Variants in SLC22A24 observed in about 807,000 individuals in gnomAD.
SLC22A24 encodes the protein steroid transmembrane transporter SLC22A24.
In SLC22A24, 53 loss-of-function variants were observed where a neutral mutation model predicts 49.8. That is an observed-to-expected ratio of 1.06 (90% CI 0.85 to 1.34). The LOEUF (loss-of-function observed/expected upper bound fraction) is 1.34. Ranked by LOEUF, SLC22A24 falls within the 40% of genes most tolerant of loss-of-function variation. SLC22A24 has a pLI of 0.00. For missense variants in SLC22A24, 786 were observed against 675.9 expected, an observed-to-expected ratio of 1.16 and a Z score of -1.81; for synonymous variants, 302 against 256.4, an observed-to-expected ratio of 1.18 and a Z score of -1.70.
At chr11:63,094,674 T>C (rs1237642008) in intron 6 of SLC22A24, among the ~76,000 whole-genome samples, 2 of 152,218 alleles carry the variant, frequency 1.3e-5, no homozygotes, top group Admixed American at 6.5e-5. Context: ...ATCGCCATTC[T>C]AACTGGTGTG....
chr11:63,104,493 AG>A (rs2087108880), intron 4 of SLC22A24, among the ~76,000 whole-genome samples, 195 bp from the exon 5 acceptor site: 2 of 152,126 alleles, frequency 1.3e-5, no homozygotes, highest in African/African-American at 4.8e-5. Context: ...TGTTTGTTAA[AG>A]TGATTATACA....
chr11:63,128,715 TCCAGTGGACACATGA>T (rs2087311789), intron 2 of SLC22A24, among the ~76,000 whole-genome samples: 1 of 152,134 alleles, frequency 6.6e-6, no homozygotes, highest in Admixed American at 6.5e-5. Context: ...AGGGCCCCCG[TCCAGTGGACACATGA>T]CCCATGTGAC....
intron 5 of SLC22A24, among the ~76,000 whole-genome samples, chr11:63,101,718 GA>G (rs1385875955): frequency 6.6e-6 from 1 of 151,982 alleles, no homozygotes; most frequent in Admixed American, 6.6e-5. Flanking sequence ...AATTGATAAA[GA>G]AAAGTTGATA....
intron 4 of SLC22A24, among the ~76,000 whole-genome samples, chr11:63,114,092 G>A (rs2087195451): frequency 6.6e-6 from 1 of 152,104 alleles, no homozygotes; most frequent in South Asian, 2.1e-4. Flanking sequence ...TGTATTTCCT[G>A]AATTTGAATG....
intron 8 of SLC22A24, among the ~76,000 whole-genome samples, 193 bp from the exon 9 acceptor site, chr11:63,081,316 C>G (rs76439288): frequency 0.029 from 4,339 of 152,222 alleles, 182 homozygotes; most frequent in African/African-American, 0.097. Context: ...GGTAACTGCT[C>G]TTAACCTTAG....
chr11:63,143,525 T>G lies in SLC22A24; in HGVS notation c.255A>C (p.Pro85=). ...GATGGATAAAGCGCTGACACTTCTG[T>G]GGCCTCAGGTTTGAGTCCAGTGGGA... The part of the protein sequence containing the change: ...ISIPLDSNLR[P]QKCQRFIHPQ... Residue 85 remains proline, a synonymous_variant, in exon 1 of 10, where the codon CCA becomes CCC. Coordinates refer to ENST00000612278, the MANE Select transcript of SLC22A24 (RefSeq NM_001136506.2). 1 of 1,596,816 alleles carries G rather than the reference T, an allele frequency of 6.3e-7. No homozygotes were observed. The highest frequency in any genetic ancestry group is 1.1e-5 in the South Asian group (1 of 88,042).
chr11:63,090,934 A>G (rs12275473), intron 6 of SLC22A24, among the ~76,000 whole-genome samples: 75,905 of 151,844 alleles, frequency 0.5, 19,128 homozygotes, highest in East Asian at 0.54. Flanking sequence ...AAATAAGATC[A>G]TAGTAGAGTT....
rs1238374571 is a variant in SLC22A24 at position 63,119,084 on chromosome 11, G to T, written c.662-4C>A. The T allele has an allele frequency of 6.5e-7, 1 of 1,544,630 alleles. No homozygotes were observed. ...CGGGGCAATGTCCACTCTAAGCCTGGAAGAAAACATATACATAGTAATAAT... is the reference window on the plus strand; with the variant it reads ...CGGGGCAATGTCCACTCTAAGCCTGTAAGAAAACATATACATAGTAATAAT... On this transcript the variant is annotated splice_polypyrimidine_tract_variant and splice_region_variant and intron_variant, in intron 3 of 9. Transcript: ENST00000612278.
chr11:63,113,151 T>C lies in SLC22A24; in HGVS notation c.830+5761A>G, dbSNP rs183733145. ...ACATATATATATACACATATATATA[T>C]ACATATATATATACACATATATATA... On this transcript the variant is annotated intron_variant, in intron 4 of 9. Coordinates refer to ENST00000612278, the MANE Select transcript of SLC22A24 (RefSeq NM_001136506.2). Among the ~76,000 whole-genome samples the C allele has an allele frequency of 2.2e-3, 16 of 7,230 alleles. 2 individuals are homozygous for C. Among genetic ancestry groups the C allele is most frequent in the African/African-American group, 2.5e-3 (14 of 5,598 alleles). 4.7% of individuals were successfully genotyped at this position (7,230 alleles called of 152,430 possible). A position where few individuals can be genotyped will look rare whatever the true frequency, so the allele number is the denominator to read the frequency against.
intron 6 of SLC22A24, among the ~76,000 whole-genome samples, chr11:63,090,567 A>G (rs2087013971): frequency 6.6e-6 from 1 of 152,076 alleles, no homozygotes; most frequent in Admixed American, 6.5e-5. Flanking sequence ...AAACCACACA[A>G]CTACGTGGAA....
At chr11:63,085,710 C>T (rs2086983424) in intron 6 of SLC22A24, among the ~76,000 whole-genome samples, 1 of 152,158 alleles carries the variant, frequency 6.6e-6, no homozygotes, top group Non-Finnish European at 1.5e-5. Context: ...TAGCCCAGTG[C>T]CTTCGCACAT....
chr11:63,125,256 C>A (rs781355130), intron 2 of SLC22A24, among the ~76,000 whole-genome samples: 13 of 151,992 alleles, frequency 8.6e-5, no homozygotes, highest in Non-Finnish European at 1.9e-4. Context: ...TTGCTGCACC[C>A]ATTAACTTGT....
chr11:63,097,520 T>G (rs1039235909), intron 5 of SLC22A24, among the ~76,000 whole-genome samples: 3 of 152,214 alleles, frequency 2.0e-5, no homozygotes, highest in Non-Finnish European at 4.4e-5. Context: ...TGGCAACTCC[T>G]CAAGGATCTA....
chr11:63,082,782 A>G (rs1458067606), intron 7 of SLC22A24, among the ~76,000 whole-genome samples: 12 of 152,246 alleles, frequency 7.9e-5, no homozygotes, highest in Non-Finnish European at 1.8e-4. Context: ...TCAAAAGTGA[A>G]TATACAGGGA....
chr11:63,122,616 G>A (rs2087259903), intron 2 of SLC22A24, among the ~76,000 whole-genome samples: 1 of 152,130 alleles, frequency 6.6e-6, no homozygotes, highest in East Asian at 1.9e-4. Context: ...CTGGGTTCAA[G>A]CCATTCTCCT....
intron 1 of SLC22A24, among the ~76,000 whole-genome samples, chr11:63,140,076 T>C (rs11231380): frequency 2.0e-4 from 27 of 136,458 alleles, no homozygotes; most frequent in African/African-American, 6.0e-4. Context: ...TGTTTTTTTG[T>C]TTTTTTTTTT....
chr11:63,096,695 G>T (rs1158538594), intron 5 of SLC22A24, among the ~76,000 whole-genome samples: 1 of 152,170 alleles, frequency 6.6e-6, no homozygotes, highest in African/African-American at 2.4e-5. Context: ...CCTCATGAGT[G>T]GAGTGCACAG....
chr11:63,111,808 A>G (rs2087167481), intron 4 of SLC22A24, among the ~76,000 whole-genome samples: 3 of 152,066 alleles, frequency 2.0e-5, no homozygotes, highest in Admixed American at 1.3e-4. Context: ...CAGCTCCTGG[A>G]TTCATTAATT....
chr11:63,083,141 C>A (rs1233235038), intron 7 of SLC22A24, 102 bp downstream of exon 7: 5 of 920,702 alleles, frequency 5.4e-6, no homozygotes, highest in Middle Eastern at 3.4e-4. Flanking sequence ...TTTTGGCTGT[C>A]AAGGGCAATG....
Sources: gnomAD v4.1 joint callset for allele counts (sites outside exome capture counted in the v4.1 genomes callset) on GRCh38, gnomAD v4.1.1 for gene constraint, MANE v1.5 for transcripts, NCBI Gene and HGNC (gene_info 2026-07-23, HGNC 2026-07-21) for gene names.